Variants in SYTL5 observed in about 807,000 individuals in gnomAD.
SYTL5 encodes synaptotagmin-like protein 5.
Under a neutral mutation model 55.9 loss-of-function variants are expected in SYTL5, and 34 were observed. That is an observed-to-expected ratio of 0.61 (90% CI 0.46 to 0.81). The LOEUF is 0.81. Ranked by LOEUF, SYTL5 falls within the 30% of genes least tolerant of loss-of-function variation. The pLI, the probability that SYTL5 is intolerant of heterozygous loss-of-function variation, is 0.00. For missense variants in SYTL5, 637 were observed against 546.7 expected (o/e 1.17, Z -1.65); for synonymous variants, 221 against 188.7 (o/e 1.17, Z -1.40).
chrX:38,027,538 C>T (rs1934817219), intron 1 of SYTL5, among the ~76,000 whole-genome samples: 1 of 111,867 alleles, frequency 8.9e-6, no homozygotes, highest in Non-Finnish European at 1.9e-5. Flanking sequence ...AATTTAATAA[C>T]AGAAGTACCA....
the SYTL5 span, chrX:37,994,743 G>A: frequency 2.7e-5 from 3 of 110,154 alleles, no homozygotes; most frequent in Non-Finnish European, 3.8e-5. Context: ...GGTGGTGATG[G>A]GGGGAAGGAG....
chrX:37,992,474 C>T, the SYTL5 span, among the ~76,000 whole-genome samples: 494 of 112,953 alleles, frequency 4.4e-3, 3 homozygotes, highest in African/African-American at 0.015. Flanking sequence ...TGATATTAGA[C>T]CTTCAATTAC....
At chrX:37,949,481 C>T in the SYTL5 span, 1 of 111,655 alleles carries the variant, frequency 9.0e-6, no homozygotes, top group African/African-American at 3.3e-5. Flanking sequence ...GCTTGCTGCC[C>T]AAAGCATTCC....
At chrX:38,086,841 A>T (rs140031694) in intron 6 of SYTL5, among the ~76,000 whole-genome samples, 14,460 of 111,112 alleles carry the variant, frequency 0.13, 798 homozygotes, top group Middle Eastern at 0.16. Flanking sequence ...ACTGGAAAAA[A>T]TTTTTTGAGA....
At chrX:38,068,509 A>G (rs949338107) in intron 3 of SYTL5, among the ~76,000 whole-genome samples, 4 of 112,557 alleles carry the variant, frequency 3.6e-5, no homozygotes, top group Non-Finnish European at 7.5e-5. Context: ...CACAAAAGCA[A>G]AGATATTGAC....
intron 3 of SYTL5, among the ~76,000 whole-genome samples, chrX:38,067,069 G>A (rs1159060793): frequency 2.7e-5 from 3 of 111,753 alleles, no homozygotes; most frequent in Non-Finnish European, 5.6e-5. Flanking sequence ...ACCTGAGAGG[G>A]TGACAAAGGC....
chrX:37,936,656 T>A, the SYTL5 span, among the ~76,000 whole-genome samples: 1 of 111,785 alleles, frequency 8.9e-6, no homozygotes, highest in Non-Finnish European at 1.9e-5. Context: ...AAGCTGAGGC[T>A]TCCTTCATTG....
chrX:37,941,637 T>C, the SYTL5 span, among the ~76,000 whole-genome samples: 1 of 111,696 alleles, frequency 9.0e-6, no homozygotes, highest in African/African-American at 3.3e-5. Flanking sequence ...GGGAAGTTGA[T>C]GGATAAAAAC....
the SYTL5 span, among the ~76,000 whole-genome samples, chrX:37,958,234 A>G: frequency 9.1e-6 from 1 of 110,406 alleles, no homozygotes; most frequent in East Asian, 2.8e-4. Flanking sequence ...AAAAAAACCC[A>G]GACTGTGTAA....
At chrX:38,078,253 G>C (rs1432124693) in intron 6 of SYTL5, among the ~76,000 whole-genome samples, 4 of 96,105 alleles carry the variant, frequency 4.2e-5, no homozygotes, top group African/African-American at 1.6e-4. Flanking sequence ...AATGTTCCTT[G>C]TTTTTTGTTT....
intron 9 of SYTL5, among the ~76,000 whole-genome samples, chrX:38,098,451 G>A (rs1936994189): frequency 9.0e-6 from 1 of 110,703 alleles, no homozygotes; most frequent in African/African-American, 3.3e-5. Context: ...AATATGTTCA[G>A]CAACATTAGT....
chrX:38,017,228 TG>T (rs770799403), intron 1 of SYTL5, among the ~76,000 whole-genome samples: 4 of 112,025 alleles, frequency 3.6e-5, no homozygotes, highest in African/African-American at 1.3e-4. Flanking sequence ...CTGACCTGGA[TG>T]GAATTAGATT....
chrX:37,912,077 C>T, the SYTL5 span, among the ~76,000 whole-genome samples: 321 of 112,057 alleles, frequency 2.9e-3, 1 homozygote, highest in African/African-American at 9.5e-3. Flanking sequence ...AAAGTATTTC[C>T]CTTACAACTT....
chrX:38,126,834 C>T lies in SYTL5; in HGVS notation c.*104C>T, dbSNP rs185496642. On this transcript the variant is annotated 3_prime_UTR_variant, in exon 17 of 17. Transcript: ENST00000297875. Reference sequence around the variant, plus strand: ...GATTCTGCTTCCCTGCCATTTCTCACCTGACAGTGTTGGGACATGAGGGGA... The same window carrying T: ...GATTCTGCTTCCCTGCCATTTCTCATCTGACAGTGTTGGGACATGAGGGGA... 8.7e-4 allele frequency: 763 copies of T among 878,192 alleles called. No homozygotes were observed. The highest frequency in any genetic ancestry group is 1.1e-3 in the Non-Finnish European group (678 of 637,266). 72.4% of individuals were successfully genotyped at this position (878,192 alleles called of 1,213,427 possible).
chrX:38,110,433 C>T lies in SYTL5; in HGVS notation c.1547C>T (p.Ser516Leu). The change falls in exon 13 of 17, where the codon TCA becomes TTA. Residue 516 changes from serine to leucine, a missense_variant. Ser to Leu is a moderately radical substitution (Grantham distance 145). Coordinates refer to ENST00000297875, the MANE Select transcript of SYTL5 (RefSeq NM_138780.3). ...FLGEVEIPFD[S>L]WNFENPTDEW... ...GGGGAAGTAGAGATTCCTTTTGACTCATGGAACTTTGAAAATCCAACTGAT... is the reference window on the plus strand; with the variant it reads ...GGGGAAGTAGAGATTCCTTTTGACTTATGGAACTTTGAAAATCCAACTGAT... 1 of 1,208,373 alleles carries T rather than the reference C, an allele frequency of 8.3e-7. No individual in the cohort carries two copies. Among genetic ancestry groups the T allele is most frequent in the Non-Finnish European group, 1.1e-6 (1 of 893,627 alleles).
At chrX:38,051,692 A>G (rs760149240) in intron 2 of SYTL5, among the ~76,000 whole-genome samples, 15 of 111,315 alleles carry the variant, frequency 1.3e-4, no homozygotes, top group Non-Finnish European at 2.6e-4. Context: ...AAGGAAAGGA[A>G]AGAGAAAAGT....
chrX:37,903,641 G>A, the SYTL5 span, among the ~76,000 whole-genome samples: 1 of 109,946 alleles, frequency 9.1e-6, no homozygotes, highest in African/African-American at 3.3e-5. Context: ...CATGGCACAT[G>A]TATACATATG....
chrX:37,918,870 C>G, the SYTL5 span, among the ~76,000 whole-genome samples: 1 of 110,299 alleles, frequency 9.1e-6, no homozygotes, highest in Non-Finnish European at 1.9e-5. Flanking sequence ...CCAGTCATCC[C>G]GTGGATGCAT....
intron 13 of SYTL5, among the ~76,000 whole-genome samples, chrX:38,117,030 A>G (rs948201308): frequency 3.6e-5 from 4 of 112,339 alleles, no homozygotes; most frequent in African/African-American, 1.3e-4. Flanking sequence ...AAAATGCCTT[A>G]TAAAAATGTA....
Sources: gnomAD v4.1 joint callset for allele counts (sites outside exome capture counted in the v4.1 genomes callset) on GRCh38, gnomAD v4.1.1 for gene constraint, MANE v1.5 for transcripts, NCBI Gene and HGNC (gene_info 2026-07-23, HGNC 2026-07-21) for gene names.